Variants in EDARADD observed in about 807,000 individuals in gnomAD.
The protein encoded by EDARADD is ectodysplasin-A receptor-associated adapter protein.
EDARADD carries 20 observed loss-of-function variants against 25.6 expected under a neutral mutation model. The observed-to-expected ratio is 0.78, with a 90% CI of 0.55 to 1.14. The LOEUF (loss-of-function observed/expected upper bound fraction) is 1.14. Among genes scored for constraint, EDARADD ranks in the 50% most tolerant of loss-of-function variants. The pLI, the probability that EDARADD is intolerant of heterozygous loss-of-function variation, is 0.00. For missense variants in EDARADD, 225 were observed against 270.1 expected, an observed-to-expected ratio of 0.83 and a Z score of 1.17; for synonymous variants, 86 against 94.4, an observed-to-expected ratio of 0.91 and a Z score of 0.52.
At chr1:236,459,258 A>G (rs1279304451) in intron 4 of EDARADD, among the ~76,000 whole-genome samples, 1 of 152,112 alleles carries the variant, frequency 6.6e-6, no homozygotes, top group Admixed American at 6.6e-5. Context: ...CCCGTGCTCT[A>G]CTTGTATTTG....
chr1:236,395,757 G>C lies in EDARADD; in HGVS notation c.61+1252G>C. ...GCAGCCGCAGGGCTATCGAGGCCGG[G>C]CCTCGGCGACCCCCGAGGGAGGCCC... On this transcript the variant is annotated intron_variant, in intron 1 of 5. Coordinates refer to ENST00000334232, the MANE Select transcript of EDARADD (RefSeq NM_145861.4). The surrounding 1 kb of genome is among the most constrained non-coding windows in gnomAD (Gnocchi z 6.9). 4 of 1,436,332 alleles carry C rather than the reference G, an allele frequency of 2.8e-6. No homozygotes were observed. Among genetic ancestry groups the C allele is most frequent in the Non-Finnish European group, 3.7e-6 (4 of 1,089,230 alleles). 89.0% of individuals were successfully genotyped at this position (1,436,332 alleles called of 1,614,324 possible).
intron 3 of EDARADD, among the ~76,000 whole-genome samples, chr1:236,361,821 G>A (rs1278813962): frequency 6.6e-6 from 1 of 151,642 alleles, no homozygotes. Context: ...ACTGTTGGTC[G>A]TTTGGGTTGT....
In EDARADD at chr1:236,395,700, A is replaced by G. The variant is rs1468838067; in HGVS notation, c.61+1195A>G. ...CGCCGCGCCCGCTCCTGGAGCGAGC[A>G]CCGCGGGGCGGGAGCTCGGGAGGCG... On this transcript the variant is annotated intron_variant, in intron 1 of 5. Coordinates refer to ENST00000334232, the MANE Select transcript of EDARADD (RefSeq NM_145861.4). This position sits in a 1 kb window ranked among gnomAD's most constrained non-coding sequence, Gnocchi z 6.9. 1 of 1,538,222 alleles carries G rather than the reference A, an allele frequency of 6.5e-7. No individual in the cohort carries two copies. Among genetic ancestry groups the G allele is most frequent in the East Asian group, 2.5e-5 (1 of 40,456 alleles).
rs1659772728 is a variant in EDARADD, at chr1:236,484,427, TAA to T, written c.*1779_*1780del. On this transcript the variant is annotated 3_prime_UTR_variant, in exon 6 of 6. Coordinates refer to ENST00000334232, the MANE Select transcript of EDARADD (RefSeq NM_145861.4). The surrounding 1 kb of genome is among the most constrained non-coding windows in gnomAD (Gnocchi z 4.1). ...TTGAAGAGGAGCTGGGCAGCAAGGC[TAA>T]GTTTGCCGGCAGGAACTTCAGAAAC... 6.2e-7 allele frequency: 1 copy of T among 1,610,404 alleles called. No individual in the cohort carries two copies. The highest frequency in any genetic ancestry group is 1.3e-5 in the African/African-American group (1 of 74,852).
chr1:236,414,378 C>T, intron 3 of EDARADD, 79 bp downstream of exon 3: 2 of 1,196,332 alleles, frequency 1.7e-6, no homozygotes, highest in Non-Finnish European at 2.5e-6. Context: ...CCTAATTTTT[C>T]ATTATTTAAA....
upstream of EDARADD, among the ~76,000 whole-genome samples, chr1:236,389,915 G>A (rs1667399990): frequency 6.6e-6 from 1 of 152,162 alleles, no homozygotes; most frequent in African/African-American, 2.4e-5. Flanking sequence ...AGGCTGAGGT[G>A]GAGGGACTGC....
chr1:236,380,636 T>C (rs953388096), intron 3 of EDARADD, among the ~76,000 whole-genome samples: 7 of 152,238 alleles, frequency 4.6e-5, no homozygotes, highest in African/African-American at 9.6e-5. Flanking sequence ...CCTTTAAGCA[T>C]TACTTTCTCC....
intron 4 of EDARADD, among the ~76,000 whole-genome samples, chr1:236,443,327 G>T (rs1301189403): frequency 1.3e-5 from 2 of 152,126 alleles, no homozygotes; most frequent in Non-Finnish European, 2.9e-5. Context: ...AATACATTTG[G>T]TAAGACTAAA....
chr1:236,466,654 C>CA (rs1344718591), intron 4 of EDARADD, among the ~76,000 whole-genome samples: 1 of 152,046 alleles, frequency 6.6e-6, no homozygotes, highest in Non-Finnish European at 1.5e-5. Context: ...CAAAACAAAA[C>CA]AAAAAATCTA....
At chr1:236,408,899 G>A (rs568969363) in intron 1 of EDARADD, among the ~76,000 whole-genome samples, 126 of 151,680 alleles carry the variant, frequency 8.3e-4, no homozygotes, top group African/African-American at 2.1e-3. Flanking sequence ...GATTACAGGC[G>A]CCCACCTAAT....
At chr1:236,472,951 C>T (rs1659396395) in intron 5 of EDARADD, among the ~76,000 whole-genome samples, 1 of 152,154 alleles carries the variant, frequency 6.6e-6, no homozygotes, top group Admixed American at 6.6e-5. Context: ...AAACTTGCAT[C>T]AGCTGGTTTG....
intron 1 of EDARADD, among the ~76,000 whole-genome samples, chr1:236,405,761 CTTTCTTTCTTTCTTTCTTTCTTTCTTTCT>C (rs1348504461): frequency 0.014 from 814 of 59,640 alleles, 24 homozygotes; most frequent in African/African-American, 0.036. Context: ...TTCTTTCTTT[CTTTCTTTCTTTCTTTCTTTCTTTCTTTCT>C]TTTCTTTTTC....
rs181388112 is a variant in EDARADD, at chr1:236,432,128, G to A, written c.219+4678G>A. 7.3e-4 allele frequency among the ~76,000 whole-genome samples: 111 copies of A among 152,210 alleles called. 3 individuals are homozygous for A. In the East Asian group the frequency reaches 0.02, roughly 27 times the overall value. On this transcript the variant is annotated intron_variant, in intron 4 of 5. Transcript: ENST00000334232. ...ACTTTAACGACATGCATAAGCATATGGCAAATGAAGATAAAGCAAAAATTT... is the reference window on the plus strand; with the variant it reads ...ACTTTAACGACATGCATAAGCATATAGCAAATGAAGATAAAGCAAAAATTT...
chr1:236,478,788 G>A (rs1410057467), intron 5 of EDARADD, among the ~76,000 whole-genome samples: 4 of 152,032 alleles, frequency 2.6e-5, no homozygotes, highest in East Asian at 1.9e-4. Flanking sequence ...GGGTTTCACC[G>A]TGTTAGCCGG....
intron 3 of EDARADD, among the ~76,000 whole-genome samples, chr1:236,419,796 C>T (rs12064367): frequency 6.6e-6 from 1 of 152,182 alleles, no homozygotes; most frequent in African/African-American, 2.4e-5. Flanking sequence ...AAAAGAAAGT[C>T]TTTTATTCCA....
chr1:236,440,166 A>G (rs914878153), intron 4 of EDARADD, among the ~76,000 whole-genome samples: 17 of 152,136 alleles, frequency 1.1e-4, no homozygotes, highest in African/African-American at 2.7e-4. Flanking sequence ...TCAATAGACT[A>G]TATTTATGTG....
rs1394156889 is a variant in EDARADD, at chr1:236,399,364, T to C, written c.61+4859T>C. Among the ~76,000 whole-genome samples, 5 of 152,134 alleles carry C rather than the reference T, an allele frequency of 3.3e-5. No individual in the cohort carries two copies. In the East Asian group the frequency reaches 9.7e-4, roughly 29 times the overall value. ...CCCTGGCTAATTTTTGTATTTCTTT[T>C]TTAGTAGAGACGGGGTTTCACCATG... On this transcript the variant is annotated intron_variant, in intron 1 of 5. Transcript: ENST00000334232.
At chr1:236,358,868 C>T (rs1383368386) in intron 3 of EDARADD, among the ~76,000 whole-genome samples, 1 of 152,134 alleles carries the variant, frequency 6.6e-6, no homozygotes, top group Non-Finnish European at 1.5e-5. Flanking sequence ...GTGGAGAGTT[C>T]TGTAGATATC....
upstream of EDARADD, among the ~76,000 whole-genome samples, chr1:236,392,862 G>A (rs1558107907): frequency 1.3e-5 from 2 of 152,064 alleles, 1 homozygote; most frequent in Admixed American, 1.3e-4. Context: ...CAGAGACGGG[G>A]TTTCACCATG....
Sources: gnomAD v4.1 joint callset for allele counts (sites outside exome capture counted in the v4.1 genomes callset) on GRCh38, gnomAD v4.1.1 for gene constraint, Gnocchi (gnomAD v3.1) non-coding constraint, MANE v1.5 for transcripts, NCBI Gene and HGNC (gene_info 2026-07-23, HGNC 2026-07-21) for gene names.